The following HS3ST4 variants were observed in gnomAD, a reference collection of about 807,000 sequenced individuals.
HS3ST4 encodes heparan sulfate-glucosamine 3-sulfotransferase 4.
HS3ST4 carries 17 observed loss-of-function variants against 29.2 expected under a neutral mutation model. The ratio of observed to expected loss-of-function variants is 0.58; its 90% confidence interval spans 0.40 to 0.87. HS3ST4 has a LOEUF of 0.87. HS3ST4 is among the 40% of genes least tolerant of loss of function. The pLI is 0.00. For missense variants in HS3ST4, 627 were observed against 634.5 expected, an observed-to-expected ratio of 0.99 and a Z score of 0.13; for synonymous variants, 314 against 285.7, an observed-to-expected ratio of 1.10 and a Z score of -1.00.
At chr16:25,887,373 C>T (rs139986367) in intron 1 of HS3ST4, among the ~76,000 whole-genome samples, 2 of 152,172 alleles carry the variant, frequency 1.3e-5, no homozygotes, top group Admixed American at 6.5e-5. Context: ...AAGCTTTATC[C>T]CATGGTTAAA....
At chr16:25,984,194 G>A (rs1000085248) in intron 1 of HS3ST4, among the ~76,000 whole-genome samples, 20 of 152,078 alleles carry the variant, frequency 1.3e-4, no homozygotes, top group African/African-American at 4.6e-4. Flanking sequence ...CTATAATTTT[G>A]TATCTTTTAA....
chr16:26,098,786 G>A (rs1596680263), intron 1 of HS3ST4, among the ~76,000 whole-genome samples: 1 of 152,200 alleles, frequency 6.6e-6, no homozygotes, highest in East Asian at 1.9e-4. Flanking sequence ...ATGGATGGAT[G>A]GATGGATATG....
At chr16:25,934,713 G>A (rs12932720) in intron 1 of HS3ST4, among the ~76,000 whole-genome samples, 82,862 of 151,992 alleles carry the variant, frequency 0.55, 23,382 homozygotes, top group African/African-American at 0.61. Flanking sequence ...TTCCCTCCAT[G>A]CTGAGCCTCT....
chr16:25,742,137 T>A (rs1437057654), intron 1 of HS3ST4, among the ~76,000 whole-genome samples: 1 of 152,182 alleles, frequency 6.6e-6, no homozygotes. Context: ...TATGTAACTA[T>A]TCAAAATGCT....
At chr16:25,693,441 G>A (rs981387825) in intron 1 of HS3ST4, among the ~76,000 whole-genome samples, 10 of 152,186 alleles carry the variant, frequency 6.6e-5, no homozygotes. Flanking sequence ...CCAAGCCTGG[G>A]AACCCCCAGC....
chr16:26,024,345 A>G (rs1461753742), intron 1 of HS3ST4, among the ~76,000 whole-genome samples: 3 of 152,094 alleles, frequency 2.0e-5, no homozygotes, highest in South Asian at 2.1e-4. Flanking sequence ...ATGCTGCCTC[A>G]TGGCCCAGTT....
chr16:26,092,856 T>A (rs892828616), intron 1 of HS3ST4, among the ~76,000 whole-genome samples: 1 of 152,084 alleles, frequency 6.6e-6, no homozygotes, highest in African/African-American at 2.4e-5. Flanking sequence ...CATGACAGAC[T>A]GTACCTGGAA....
At chr16:25,941,565 CGTTTTT>C (rs1175747066) in intron 1 of HS3ST4, among the ~76,000 whole-genome samples, 2 of 151,630 alleles carry the variant, frequency 1.3e-5, no homozygotes, top group Non-Finnish European at 2.9e-5. Flanking sequence ...GTTTTTGCTT[CGTTTTT>C]GTTTTTGTTT....
chr16:25,802,102 T>C (rs186889186), intron 1 of HS3ST4, among the ~76,000 whole-genome samples: 1 of 151,420 alleles, frequency 6.6e-6, no homozygotes, highest in Admixed American at 6.6e-5. Context: ...GCAAACAACA[T>C]GAGACAGACA....
intron 1 of HS3ST4, among the ~76,000 whole-genome samples, chr16:25,821,278 C>T (rs769468140): frequency 2.6e-5 from 4 of 151,938 alleles, no homozygotes; most frequent in Admixed American, 6.6e-5. Context: ...AGGATGGTCT[C>T]GATCTCCTGA....
intron 1 of HS3ST4, among the ~76,000 whole-genome samples, chr16:25,811,496 C>T (rs889300502): frequency 1.4e-5 from 2 of 144,176 alleles, no homozygotes; most frequent in Non-Finnish European, 3.0e-5. Context: ...TGCAATGTCA[C>T]GATCTCGGCC....
intron 1 of HS3ST4, among the ~76,000 whole-genome samples, chr16:25,946,012 C>T (rs909549941): frequency 6.6e-6 from 1 of 152,180 alleles, no homozygotes; most frequent in Admixed American, 6.5e-5. Flanking sequence ...AATTCCTAGT[C>T]ACTTCCAAAG....
Position 26,096,483 on chromosome 16 carries a change from A to G in HS3ST4, c.735-39129A>G, listed in dbSNP as rs554286715. Among the ~76,000 whole-genome samples the G allele has an allele frequency of 5.9e-5, 9 of 152,336 alleles. No homozygotes were observed. The South Asian group carries it at 1.9e-3, about 32-fold the overall frequency. ...ATAATCCATCACATAAAGAGAACCA[A>G]TGACAAAAACCACATGATTATCTCA... On this transcript the variant is annotated intron_variant, in intron 1 of 1. Transcript: ENST00000331351.
intron 1 of HS3ST4, among the ~76,000 whole-genome samples, chr16:25,919,250 T>G (rs1377113346): frequency 6.6e-6 from 1 of 152,106 alleles, no homozygotes; most frequent in East Asian, 1.9e-4. Context: ...GGGCTGGTCT[T>G]GAACTCCTGA....
chr16:25,976,078 A>C (rs1968940506), intron 1 of HS3ST4, among the ~76,000 whole-genome samples: 2 of 152,322 alleles, frequency 1.3e-5, no homozygotes, highest in South Asian at 4.1e-4. Flanking sequence ...CCCGGTTCAC[A>C]GTTCCACCAA....
At chr16:26,118,452 C>T (rs922177505) in intron 1 of HS3ST4, among the ~76,000 whole-genome samples, 4 of 152,122 alleles carry the variant, frequency 2.6e-5, no homozygotes, top group African/African-American at 4.8e-5. Flanking sequence ...AAATTAGCAT[C>T]GTCTAATGGA....
chr16:25,973,834 A>G (rs560542929), intron 1 of HS3ST4, among the ~76,000 whole-genome samples: 1 of 152,302 alleles, frequency 6.6e-6, no homozygotes, highest in African/African-American at 2.4e-5. Flanking sequence ...TTGACTTGCT[A>G]ATAATTGGCA....
intron 1 of HS3ST4, among the ~76,000 whole-genome samples, chr16:26,113,422 G>A (rs1472283949): frequency 6.8e-6 from 1 of 146,414 alleles, no homozygotes; most frequent in Non-Finnish European, 1.5e-5. Context: ...CTCCAGTCCA[G>A]GCAACAGAGT....
chr16:25,803,740 C>G (rs1418491285), intron 1 of HS3ST4, among the ~76,000 whole-genome samples: 1 of 152,132 alleles, frequency 6.6e-6, no homozygotes, highest in African/African-American at 2.4e-5. Context: ...ATCAAAAGGA[C>G]ATGCTTTGTT....
Sources: allele counts gnomAD v4.1 joint callset (sites outside exome capture counted in the v4.1 genomes callset), GRCh38; gene constraint gnomAD v4.1.1; transcripts MANE v1.5; gene names NCBI Gene and HGNC (gene_info 2026-07-23, HGNC 2026-07-21).